RLBP1: variants seen among roughly 807,000 people sequenced by gnomAD.
The protein encoded by RLBP1 is retinaldehyde-binding protein 1.
RLBP1 carries 26 observed loss-of-function variants against 36.2 expected under a neutral mutation model. The ratio of observed to expected loss-of-function variants is 0.72; its 90% CI spans 0.53 to 1.00. The LOEUF is 1.00. Ranked by LOEUF, RLBP1 falls within the 50% of genes least tolerant of loss-of-function variation. The probability of loss-of-function intolerance (pLI) is 0.00; values close to 1 mark genes in which losing one functional copy is unlikely to be tolerated. For missense variants in RLBP1, 410 were observed against 402.4 expected, an observed-to-expected ratio of 1.02 and a Z score of -0.16; for synonymous variants, 155 against 156.2, an observed-to-expected ratio of 0.99 and a Z score of 0.06.
In RLBP1 at chr15:89,217,206, C is replaced by T; in HGVS notation, c.260G>A (p.Arg87Lys). 1.2e-6 allele frequency: 2 copies of T among 1,613,588 alleles called. No individual in the cohort carries two copies. Among genetic ancestry groups the T allele is most frequent in the South Asian group, 2.2e-5 (2 of 91,088 alleles). Residue 87 changes from arginine (R) to lysine (K), a missense_variant, in exon 5 of 9, where the codon AGG becomes AAG. Coordinates refer to ENST00000268125, the MANE Select transcript of RLBP1 (RefSeq NM_000326.5). The part of the protein sequence containing the change: ...GEELAVAVAE[R>K]VQEKDSGFFL... ...GAAGCCGCTGTCCTTCTCTTGCACC[C>T]TCTCCGCCACGGCCACCGCCAGCTC...
At chr15:89,220,055 C>T (rs2051614294) in intron 1 of RLBP1, among the ~76,000 whole-genome samples, 196 bp from the exon 2 acceptor site, 1 of 152,202 alleles carries the variant, frequency 6.6e-6, no homozygotes, top group Non-Finnish European at 1.5e-5. Flanking sequence ...CCTTCACCAT[C>T]CTGCTCCTGC....
At chr15:89,219,242 T>G (rs2051607915) in intron 2 of RLBP1, among the ~76,000 whole-genome samples, 167 bp from the exon 3 acceptor site, 1 of 152,230 alleles carries the variant, frequency 6.6e-6, no homozygotes, top group Non-Finnish European at 1.5e-5. Context: ...GAACCTGCAA[T>G]TTAAAGCACT....
Position 89,211,660 on chromosome 15 carries a change from C to A in RLBP1, c.684+83G>T. 1 of 1,478,198 alleles carries A rather than the reference C, an allele frequency of 6.8e-7. No homozygotes were observed. Among genetic ancestry groups the A allele is most frequent in the Non-Finnish European group, 9.4e-7 (1 of 1,067,780 alleles). 91.6% of individuals were successfully genotyped at this position (1,478,198 alleles called of 1,614,324 possible). On this transcript the variant is annotated intron_variant, in intron 7 of 8. Transcript: ENST00000268125. The surrounding 1 kb of genome is among the most constrained non-coding windows in gnomAD (Gnocchi z 5.8). ...CGAGGTGGTCCAACTTCTCAGTTCC[C>A]TGCAAGCACCATGAAAGGAGGCCCA...
At position 89,218,666 on chromosome 15, in the gene RLBP1, CTT is replaced by C; in HGVS notation, c.38_39del (p.Glu13GlyfsTer38). ...EGVGTFRMVP[E>X]EEQELRAQLE... is the part of the protein sequence containing the mutation. ...AGTTGGGCACGGAGCTCCTGTTCCTCTTCAGGTACCATGCGGAACGTGCCCAC... is the reference window on the plus strand; with the variant it reads ...AGTTGGGCACGGAGCTCCTGTTCCTCCAGGTACCATGCGGAACGTGCCCAC... On this transcript the variant is annotated frameshift_variant, in exon 4 of 9. Coordinates refer to ENST00000268125, the MANE Select transcript of RLBP1 (RefSeq NM_000326.5). LOFTEE classifies it high-confidence loss of function. This position sits in a 1 kb window ranked among gnomAD's most constrained non-coding sequence, Gnocchi z 4.6. 1 of 1,614,220 alleles carries C rather than the reference CTT, an allele frequency of 6.2e-7. No individual in the cohort carries two copies. The highest frequency in any genetic ancestry group is 8.5e-7 in the Non-Finnish European group (1 of 1,180,058).
intron 1 of RLBP1, 108 bp from the exon 2 acceptor site, chr15:89,219,967 G>A (rs2051613519): frequency 1.3e-5 from 2 of 152,358 alleles, no homozygotes; most frequent in South Asian, 2.1e-4. Flanking sequence ...CTTCCCCAGT[G>A]GGTATTTTTG....
intron 2 of RLBP1, 42 bp from the exon 3 acceptor site, chr15:89,219,117 T>G (rs1283642361): frequency 1.0e-6 from 1 of 967,528 alleles, no homozygotes; most frequent in African/African-American, 1.6e-5. Flanking sequence ...GTCTCAGAAC[T>G]GTGGATCTCA....
chr15:89,210,288 G>A lies in RLBP1; in HGVS notation c.951C>T (p.Phe317=), dbSNP rs757648674. ...GPQAQAENTA[F] is the part of the protein sequence containing the mutation. ...GTTCAGCTGGCAGGAGATGTTTTCA[G>A]AAGGCTGTGTTCTCAGCTTGGGCCT... Residue 317 remains phenylalanine (F), a synonymous_variant, in exon 9 of 9, where the codon TTC becomes TTT. Coordinates refer to ENST00000268125, the MANE Select transcript of RLBP1 (RefSeq NM_000326.5). The surrounding 1 kb of genome is among the most constrained non-coding windows in gnomAD (Gnocchi z 4.7). The A allele has an allele frequency of 5.6e-6, 9 of 1,614,100 alleles. No individual in the cohort carries two copies. The highest frequency in any genetic ancestry group is 7.6e-6 in the Non-Finnish European group (9 of 1,180,032).
chr15:89,214,481 AAAAT>A lies in RLBP1; in HGVS notation c.525+575_525+578del, dbSNP rs1205884283. On this transcript the variant is annotated intron_variant, in intron 6 of 8. Transcript: ENST00000268125. This position sits in a 1 kb window ranked among gnomAD's most constrained non-coding sequence, Gnocchi z 4.6. Reference sequence around the variant, plus strand: ...CATCTCAAAAATAAATAAATAAAATAAAATAAGTTTGTAGCAGTTTTTTTTTTAA... The same window carrying A: ...CATCTCAAAAATAAATAAATAAAATAAAGTTTGTAGCAGTTTTTTTTTTAA... 6.7e-6 allele frequency among the ~76,000 whole-genome samples: 1 copy of A among 149,454 alleles called. No homozygotes were observed. The highest frequency in any genetic ancestry group is 2.5e-5 in the African/African-American group (1 of 40,746).
chr15:89,213,128 T>TATTAA (rs2051552448), intron 6 of RLBP1, among the ~76,000 whole-genome samples: 1 of 152,148 alleles, frequency 6.6e-6, no homozygotes, highest in Admixed American at 6.5e-5. Flanking sequence ...GATAGGCAGG[T>TATTAA]GTGCATTTCA....
chr15:89,210,574 G>T lies in RLBP1; in HGVS notation c.795+125C>A, dbSNP rs145298831. Reference sequence around the variant, plus strand: ...TTGCCTGGCGACACCTCTCTCCGCAGGTCTCCATGTTGGGTGTCAGTGGGA... The same window carrying T: ...TTGCCTGGCGACACCTCTCTCCGCATGTCTCCATGTTGGGTGTCAGTGGGA... On this transcript the variant is annotated intron_variant, in intron 8 of 8. Coordinates refer to ENST00000268125, the MANE Select transcript of RLBP1 (RefSeq NM_000326.5). The surrounding 1 kb of genome is among the most constrained non-coding windows in gnomAD (Gnocchi z 4.7). The T allele has an allele frequency of 4.8e-6, 6 of 1,262,056 alleles. No individual in the cohort carries two copies. In the African/African-American group the frequency reaches 8.8e-5, roughly 19 times the overall value. The allele number at this position is 1,262,056 out of a possible 1,614,324, so 78.2% of individuals were successfully genotyped here. A position where few individuals can be genotyped will look rare whatever the true frequency, so the allele number is the denominator to read the frequency against.
Position 89,211,895 on chromosome 15 carries a change from G to T in RLBP1, c.532C>A (p.Gln178Lys). The T allele has an allele frequency of 5.6e-6, 9 of 1,614,136 alleles. No homozygotes were observed. Among genetic ancestry groups the T allele is most frequent in the South Asian group, 1.1e-5 (1 of 91,082 alleles). ...TTCTCCAGGATGAAGCAATATGCCT[G>T]CAAGATCTTGGGCACAGAGAGAACA... is the stretch of plus-strand genomic sequence containing the variant. ...SQEITFDEILQAYCFILEKLL... is the reference protein window; with the variant it reads ...SQEITFDEILKAYCFILEKLL... The change falls in exon 7 of 9, where the codon CAG (glutamine) becomes AAG (lysine). Residue 178 changes from glutamine (Q) to lysine (K), a missense_variant. Transcript: ENST00000268125. The surrounding 1 kb of genome is among the most constrained non-coding windows in gnomAD (Gnocchi z 5.8).
rs1302284834 is a variant in RLBP1 at position 89,210,540 on chromosome 15, G to T, written c.796-97C>A. 4.2e-6 allele frequency: 6 copies of T among 1,443,190 alleles called. No individual in the cohort carries two copies. The highest frequency in any genetic ancestry group is 5.8e-6 in the Non-Finnish European group (6 of 1,031,134). The allele number at this position is 1,443,190 out of a possible 1,614,324, so 89.4% of individuals were successfully genotyped here. A position where few individuals can be genotyped will look rare whatever the true frequency, so the allele number is the denominator to read the frequency against. On this transcript the variant is annotated intron_variant, in intron 8 of 8. Transcript: ENST00000268125. This position sits in a 1 kb window ranked among gnomAD's most constrained non-coding sequence, Gnocchi z 4.7. ...GGGCAGGAGGACAAAGCCCCATCAT[G>T]TGCAGTCTTTGCCTGGCGACACCTC...
At chr15:89,216,440 A>T (rs550429712) in intron 5 of RLBP1, among the ~76,000 whole-genome samples, 4 of 152,002 alleles carry the variant, frequency 2.6e-5, no homozygotes, top group African/African-American at 9.7e-5. Flanking sequence ...CTCCTGCTTC[A>T]GCCTCCCCAG....
chr15:89,216,085 T>G (rs58062206), intron 5 of RLBP1, among the ~76,000 whole-genome samples: 6,547 of 152,292 alleles, frequency 0.043, 459 homozygotes, highest in African/African-American at 0.15. Flanking sequence ...TTATTGGATG[T>G]ATTGTTTCCA....
rs1264930304 is a variant in RLBP1 at position 89,210,266 on chromosome 15, C to A, written c.*19G>T. Reference sequence around the variant, plus strand: ...AGGCCCAGAGATTCTAACTACAGTTCAGCTGGCAGGAGATGTTTTCAGAAG... The same window carrying A: ...AGGCCCAGAGATTCTAACTACAGTTAAGCTGGCAGGAGATGTTTTCAGAAG... On this transcript the variant is annotated 3_prime_UTR_variant, in exon 9 of 9. Transcript: ENST00000268125. This position sits in a 1 kb window ranked among gnomAD's most constrained non-coding sequence, Gnocchi z 4.7. The A allele has an allele frequency of 6.2e-7, 1 of 1,613,388 alleles. No individual in the cohort carries two copies. The highest frequency in any genetic ancestry group is 8.5e-7 in the Non-Finnish European group (1 of 1,179,968).
At chr15:89,216,854 A>G (rs1334154023) in intron 5 of RLBP1, among the ~76,000 whole-genome samples, 1 of 152,208 alleles carries the variant, frequency 6.6e-6, no homozygotes, top group African/African-American at 2.4e-5. Context: ...CAAATGGGGT[A>G]CCCAAGTTTT....
intron 6 of RLBP1, among the ~76,000 whole-genome samples, chr15:89,213,118 GA>G (rs2051552321): frequency 6.6e-6 from 1 of 152,140 alleles, no homozygotes; most frequent in Admixed American, 6.5e-5. Context: ...AATACACACA[GA>G]TAGGCAGGTG....
intron 4 of RLBP1, among the ~76,000 whole-genome samples, chr15:89,217,964 T>C (rs1333329266): frequency 6.6e-6 from 1 of 152,104 alleles, no homozygotes; most frequent in African/African-American, 2.4e-5. Context: ...GGGAGTAAAG[T>C]GTGAAGGAGC....
chr15:89,216,291 G>A (rs2051578818), intron 5 of RLBP1, among the ~76,000 whole-genome samples: 1 of 151,678 alleles, frequency 6.6e-6, no homozygotes, highest in South Asian at 2.1e-4. Context: ...CCCAAGATTC[G>A]ATTTCTTGAG....
Sources: gnomAD v4.1 joint callset for allele counts (sites outside exome capture counted in the v4.1 genomes callset) on GRCh38, gnomAD v4.1.1 for gene constraint, Gnocchi (gnomAD v3.1) non-coding constraint, MANE v1.5 for transcripts, NCBI Gene and HGNC (gene_info 2026-07-23, HGNC 2026-07-21) for gene names.